ADAMTSL1: variants seen among roughly 807,000 people sequenced by gnomAD.
The protein encoded by ADAMTSL1 is ADAMTS like 1, also known as ADAMTS-like protein 1.
ADAMTSL1 carries 126 observed loss-of-function variants against 201.8 expected under a neutral mutation model. The observed-to-expected ratio is 0.62, with a 90% confidence interval of 0.54 to 0.72. The LOEUF (loss-of-function observed/expected upper bound fraction) is 0.72. Among genes scored for constraint, ADAMTSL1 ranks in the 30% least tolerant of loss-of-function variants. The pLI is 0.00. For synonymous variants in ADAMTSL1, 1,121 were observed against 903.4 expected (o/e 1.24, Z -4.32); for missense variants, 2,679 against 2,277.8 (o/e 1.18, Z -3.59).
intron 2 of ADAMTSL1, among the ~76,000 whole-genome samples, chr9:18,196,065 C>T (rs1004368844): frequency 2.6e-5 from 4 of 152,034 alleles, no homozygotes; most frequent in Admixed American, 2.0e-4. Flanking sequence ...TGTGCCATTC[C>T]ACGGGTGGAC....
intron 2 of ADAMTSL1, among the ~76,000 whole-genome samples, chr9:18,408,411 C>T (rs1352905996): frequency 1.3e-5 from 2 of 152,034 alleles, no homozygotes; most frequent in African/African-American, 4.8e-5. Context: ...ACAGAGGTTG[C>T]AGTGAGCTGA....
chr9:18,251,230 C>G (rs1486329486), intron 2 of ADAMTSL1, among the ~76,000 whole-genome samples: 1 of 152,082 alleles, frequency 6.6e-6, no homozygotes, highest in Admixed American at 6.5e-5. Context: ...GAAGACATAT[C>G]TAGAACACAC....
At chr9:18,099,355 A>ATATATATTTTT (rs1239180390) in intron 1 of ADAMTSL1, among the ~76,000 whole-genome samples, 5 of 45,562 alleles carry the variant, frequency 1.1e-4, no homozygotes, top group Non-Finnish European at 1.6e-4. Context: ...ATATATATAT[A>ATATATATTTTT]TTTTTTTTTT....
chr9:18,340,311 A>C (rs1422602484), intron 2 of ADAMTSL1, among the ~76,000 whole-genome samples: 1 of 152,176 alleles, frequency 6.6e-6, no homozygotes, highest in Non-Finnish European at 1.5e-5. Flanking sequence ...CAGTATTATC[A>C]AGACTTTAAT....
At chr9:18,459,075 G>C (rs1043960402) in intron 2 of ADAMTSL1, among the ~76,000 whole-genome samples, 2 of 152,102 alleles carry the variant, frequency 1.3e-5, no homozygotes, top group Non-Finnish European at 2.9e-5. Context: ...GCCTTTTAAG[G>C]TTGCCATAAT....
At position 17,979,886 on chromosome 9, in the gene ADAMTSL1, G is replaced by T. The variant is rs565582460; in HGVS notation, c.87+72964G>T. On this transcript the variant is annotated intron_variant, in intron 1 of 29. Coordinates refer to the ADAMTSL1 transcript ENST00000680146. ...CCTTGGGTAGGCTAGACTGGTGCCTGAGTTAATGGGTGGGTAGTCCTTCTG... is the reference window on the plus strand; with the variant it reads ...CCTTGGGTAGGCTAGACTGGTGCCTTAGTTAATGGGTGGGTAGTCCTTCTG... 1.1e-4 allele frequency among the ~76,000 whole-genome samples: 17 copies of T among 152,244 alleles called. 1 individual carries two copies. The South Asian group carries it at 3.5e-3, about 32-fold the overall frequency.
At chr9:18,182,756 G>T (rs1409779049) in intron 2 of ADAMTSL1, among the ~76,000 whole-genome samples, 2 of 152,174 alleles carry the variant, frequency 1.3e-5, no homozygotes, top group African/African-American at 2.4e-5. Flanking sequence ...CTGAGGCACG[G>T]AGTGATTAAC....
chr9:18,567,409 C>T lies in ADAMTSL1; in HGVS notation c.238-6621C>T, dbSNP rs543715181. Among the ~76,000 whole-genome samples the T allele has an allele frequency of 2.2e-4, 33 of 151,974 alleles. No individual in the cohort carries two copies. In the South Asian group the frequency reaches 6.9e-3, roughly 32 times the overall value. On this transcript the variant is annotated intron_variant, in intron 3 of 28. Coordinates refer to ENST00000380548, the MANE Select transcript of ADAMTSL1 (RefSeq NM_001040272.6). ...TGAACCCAGGCAGTAGAAGTTGCAG[C>T]GAGCCGAGATCATGCCACTGCACTC...
At chr9:17,990,842 T>C (rs572364658) in intron 1 of ADAMTSL1, among the ~76,000 whole-genome samples, 14 of 152,186 alleles carry the variant, frequency 9.2e-5, no homozygotes, top group Non-Finnish European at 1.8e-4. Context: ...AGTTCTTTAC[T>C]CTTTGACATA....
intron 3 of ADAMTSL1, among the ~76,000 whole-genome samples, chr9:18,557,657 G>T (rs1821184309): frequency 6.6e-6 from 1 of 152,026 alleles, no homozygotes; most frequent in Admixed American, 6.6e-5. Flanking sequence ...GACTGGGAAG[G>T]AGAGAAGGTG....
At chr9:18,465,469 G>C (rs935483692) in intron 2 of ADAMTSL1, among the ~76,000 whole-genome samples, 1 of 152,092 alleles carries the variant, frequency 6.6e-6, no homozygotes, top group African/African-American at 2.4e-5. Flanking sequence ...GGTTCTAGAT[G>C]GCTGCTCCAG....
intron 1 of ADAMTSL1, among the ~76,000 whole-genome samples, chr9:18,147,141 A>G (rs186075953): frequency 6.6e-6 from 1 of 152,170 alleles, no homozygotes; most frequent in South Asian, 2.1e-4. Flanking sequence ...TGGTCAGGGT[A>G]CGTAACCTCT....
At chr9:18,804,415 A>C (rs1404022733) in intron 20 of ADAMTSL1, among the ~76,000 whole-genome samples, 1 of 152,222 alleles carries the variant, frequency 6.6e-6, no homozygotes, top group Non-Finnish European at 1.5e-5. Context: ...AGGCCTTGCA[A>C]GAAGGTCAGC....
intron 3 of ADAMTSL1, among the ~76,000 whole-genome samples, chr9:18,566,065 C>G (rs533069678): frequency 6.6e-6 from 1 of 152,144 alleles, no homozygotes; most frequent in Admixed American, 6.5e-5. Context: ...TCTGCCTATT[C>G]AGAAACTAGG....
At chr9:18,491,541 C>T (rs1043303476) in intron 1 of ADAMTSL1, among the ~76,000 whole-genome samples, 15 of 152,086 alleles carry the variant, frequency 9.9e-5, no homozygotes, top group Admixed American at 8.5e-4. Context: ...AGATGGCTCA[C>T]AAAAATCACA....
chr9:18,250,655 G>A (rs1365909889), intron 2 of ADAMTSL1, among the ~76,000 whole-genome samples: 2 of 152,042 alleles, frequency 1.3e-5, no homozygotes, highest in Non-Finnish European at 2.9e-5. Flanking sequence ...GTGGATGGCT[G>A]GGGCCCTGGG....
chr9:18,728,689 G>C (rs1341263491), intron 15 of ADAMTSL1, among the ~76,000 whole-genome samples: 1 of 152,194 alleles, frequency 6.6e-6, no homozygotes, highest in African/African-American at 2.4e-5. Flanking sequence ...GAATGGTAAG[G>C]CCTAAGTAGG....
At chr9:18,112,180 G>T (rs1825052218) in intron 1 of ADAMTSL1, among the ~76,000 whole-genome samples, 1 of 152,090 alleles carries the variant, frequency 6.6e-6, no homozygotes. Flanking sequence ...TGTACTTTTT[G>T]CAGTGCTTAG....
chr9:17,954,588 T>A (rs1169749689), intron 1 of ADAMTSL1, among the ~76,000 whole-genome samples: 1 of 152,162 alleles, frequency 6.6e-6, no homozygotes, highest in Non-Finnish European at 1.5e-5. Flanking sequence ...TCAAGGGGTA[T>A]GGAATTGTGT....
Sources: gnomAD v4.1 joint callset for allele counts (sites outside exome capture counted in the v4.1 genomes callset) on GRCh38, gnomAD v4.1.1 for gene constraint, MANE v1.5 for transcripts, NCBI Gene and HGNC (gene_info 2026-07-23, HGNC 2026-07-21) for gene names.